DAGLB: variants seen among roughly 807,000 people sequenced by gnomAD.
DAGLB encodes diacylglycerol lipase beta.
DAGLB carries 66 observed loss-of-function variants against 72.1 expected under a neutral mutation model. The ratio of observed to expected loss-of-function variants is 0.92; its 90% CI spans 0.75 to 1.12. DAGLB has a LOEUF of 1.12. Ranked by LOEUF, DAGLB falls within the 50% of genes most tolerant of loss-of-function variation. The pLI, the probability that DAGLB is intolerant of heterozygous loss-of-function variation, is 0.00. For synonymous variants in DAGLB, 414 were observed against 359.5 expected (o/e 1.15, Z -1.71); for missense variants, 1,065 against 884.9 (o/e 1.20, Z -2.58).
In DAGLB at chr7:6,432,878, C is replaced by T. The variant is rs1784533822; in HGVS notation, c.760G>A (p.Glu254Lys). The change falls in exon 5 of 15, where the codon GAG becomes AAG. Residue 254 changes from glutamate (E) to lysine (K), a missense_variant. Coordinates refer to ENST00000297056, the MANE Select transcript of DAGLB (RefSeq NM_139179.4). ...QQQDNIRNNQ[E>K]PAQVVCHAPG... Reference sequence around the variant, plus strand: ...GCATGGCAGACCACCTGGGCAGGCTCTTGGTTGTTCCTGATATTGTCCTGT... The same window carrying T: ...GCATGGCAGACCACCTGGGCAGGCTTTTGGTTGTTCCTGATATTGTCCTGT... The T allele has an allele frequency of 3.7e-6, 6 of 1,613,942 alleles. No individual in the cohort carries two copies. The highest frequency in any genetic ancestry group is 5.1e-6 in the Non-Finnish European group (6 of 1,180,036).
At position 6,413,029 on chromosome 7, in the gene DAGLB, G is replaced by A. The variant is rs771820883; in HGVS notation, c.1433C>T (p.Ala478Val). 3 of 1,612,626 alleles carry A rather than the reference G, an allele frequency of 1.9e-6. No individual in the cohort carries two copies. Among genetic ancestry groups the A allele is most frequent in the South Asian group, 2.2e-5 (2 of 91,046 alleles). Residue 478 changes from alanine (A) to valine (V), a missense_variant, in exon 12 of 15, where the codon GCT becomes GTT. Physicochemically the swap from Ala to Val is moderately conservative, Grantham distance 64. Coordinates refer to ENST00000297056, the MANE Select transcript of DAGLB (RefSeq NM_139179.4). ...FSPPRGLWSKALQEYSQSFIV... is the reference protein window; with the variant it reads ...FSPPRGLWSKVLQEYSQSFIV... The stretch of plus-strand genomic sequence containing the variant: ...GAAGCTCTGAGAATATTCCTGCAGA[G>A]CTTTGCTGAAATTCCAAACAGAGAG...
chr7:6,447,921 C>T lies in DAGLB; in HGVS notation c.-79G>A. On this transcript the variant is annotated 5_prime_UTR_variant, in exon 1 of 15. Coordinates refer to ENST00000297056, the MANE Select transcript of DAGLB (RefSeq NM_139179.4). ...GAACAAACCAGCACCCTCCGGACGC[C>T]GCCACCAAATTATCGGCGCTCAAGC... 1 of 1,476,102 alleles carries T rather than the reference C, an allele frequency of 6.8e-7. No homozygotes were observed. The highest frequency in any genetic ancestry group is 9.0e-7 in the Non-Finnish European group (1 of 1,115,648). The allele number at this position is 1,476,102 out of a possible 1,614,324, so 91.4% of individuals were successfully genotyped here.
chr7:6,412,862 T>C lies in DAGLB; in HGVS notation c.1518A>G (p.Glu506=). Residue 506 remains glutamate, a synonymous_variant, in exon 13 of 15, where the codon GAA becomes GAG. Coordinates refer to ENST00000297056, the MANE Select transcript of DAGLB (RefSeq NM_139179.4). ...VIPRLSVTNL[E]DLKRRILRVV... is the part of the protein sequence containing the mutation. ...CTCGCAAGATTCTTCTCTTCAGATC[T>C]TCCAAGTTGGTCACACTGAGCCTGT... The C allele has an allele frequency of 6.2e-7, 1 of 1,607,194 alleles. No homozygotes were observed. Among genetic ancestry groups the C allele is most frequent in the Non-Finnish European group, 8.5e-7 (1 of 1,176,272 alleles).
In DAGLB at chr7:6,436,629, G is replaced by C. The variant is rs1784667695; in HGVS notation, c.248-96C>G. 6 of 1,508,232 alleles carry C rather than the reference G, an allele frequency of 4.0e-6. No homozygotes were observed. The South Asian group carries it at 7.0e-5, about 18-fold the overall frequency. 93.4% of individuals were successfully genotyped at this position (1,508,232 alleles called of 1,614,324 possible). A position where few individuals can be genotyped will look rare whatever the true frequency, so the allele number is the denominator to read the frequency against. Reference sequence around the variant, plus strand: ...TACAGCTTTTGCAGAGCATACATTTGTACTGTGCACACCCGCCTCCTGACT... The same window carrying C: ...TACAGCTTTTGCAGAGCATACATTTCTACTGTGCACACCCGCCTCCTGACT... On this transcript the variant is annotated intron_variant, in intron 2 of 14. Transcript: ENST00000297056.
intron 3 of DAGLB, 149 bp from the exon 4 acceptor site, chr7:6,435,169 T>G (rs949772210): frequency 6.7e-6 from 8 of 1,188,474 alleles, no homozygotes; most frequent in Non-Finnish European, 9.3e-6. Context: ...GGAACCTGCC[T>G]GAGGCAAGCA....
chr7:6,441,423 T>G (rs1784829566), intron 2 of DAGLB, among the ~76,000 whole-genome samples: 1 of 141,450 alleles, frequency 7.1e-6, no homozygotes, highest in Non-Finnish European at 1.5e-5. Context: ...ATTTTTTTCT[T>G]TTTTTTTTTT....
intron 2 of DAGLB, among the ~76,000 whole-genome samples, chr7:6,440,102 T>G (rs916162505): frequency 6.1e-5 from 9 of 147,696 alleles, no homozygotes; most frequent in African/African-American, 2.3e-4. Flanking sequence ...ATCAAAGTTT[T>G]CCTCAAATGC....
At chr7:6,435,929 G>C (rs1391898284) in intron 3 of DAGLB, among the ~76,000 whole-genome samples, 1 of 152,122 alleles carries the variant, frequency 6.6e-6, no homozygotes, top group Non-Finnish European at 1.5e-5. Context: ...TAGAAAACAC[G>C]AAAACCTTAT....
chr7:6,440,591 G>C (rs1027731004), intron 2 of DAGLB, among the ~76,000 whole-genome samples: 1 of 151,758 alleles, frequency 6.6e-6, no homozygotes, highest in Non-Finnish European at 1.5e-5. Flanking sequence ...CGAAACAAAA[G>C]GGACAACAGA....
intron 3 of DAGLB, among the ~76,000 whole-genome samples, chr7:6,435,880 TAAGGGGGCGGGACTGG>T (rs986413831): frequency 5.9e-5 from 9 of 152,126 alleles, no homozygotes; most frequent in Non-Finnish European, 7.4e-5. Flanking sequence ...CAGAGGGTGT[TAAGGGGGCGGGACTGG>T]ATCATCTCTA....
chr7:6,410,698 T>A (rs1474064935), intron 13 of DAGLB, among the ~76,000 whole-genome samples: 1 of 152,150 alleles, frequency 6.6e-6, no homozygotes, highest in African/African-American at 2.4e-5. Context: ...CCGGCAATTC[T>A]GGAAATCAGC....
In DAGLB at chr7:6,410,270, C is replaced by G. The variant is rs376656997; in HGVS notation, c.1680G>C (p.Leu560=). 7 of 1,613,712 alleles carry G rather than the reference C, an allele frequency of 4.3e-6. No individual in the cohort carries two copies. Among genetic ancestry groups the G allele is most frequent in the Middle Eastern group, 1.6e-4 (1 of 6,062 alleles). ...AGCGCGTCAGTAGGCTCTGCTCCCCCAGAAGAGGCTGTGTCAGGACTTCCT... is the reference window on the plus strand; with the variant it reads ...AGCGCGTCAGTAGGCTCTGCTCCCCGAGAAGAGGCTGTGTCAGGACTTCCT... ...GDQEVLTQPL[L]GEQSLLTRWS... Residue 560 remains leucine, a synonymous_variant, in exon 14 of 15, where the codon CTG becomes CTC. Coordinates refer to ENST00000297056, the MANE Select transcript of DAGLB (RefSeq NM_139179.4).
chr7:6,438,637 C>G (rs550724208), intron 2 of DAGLB, among the ~76,000 whole-genome samples: 8 of 152,276 alleles, frequency 5.3e-5, no homozygotes, highest in African/African-American at 1.4e-4. Context: ...TCAGCAGCAC[C>G]TGGACTTGAA....
chr7:6,411,392 C>T (rs1783723523), intron 13 of DAGLB, among the ~76,000 whole-genome samples: 1 of 152,142 alleles, frequency 6.6e-6, no homozygotes, highest in African/African-American at 2.4e-5. Flanking sequence ...GAGGTCAAGG[C>T]AAGCAGATTG....
intron 1 of DAGLB, 53 bp downstream of exon 1, chr7:6,447,695 C>G: frequency 6.3e-7 from 1 of 1,576,732 alleles, no homozygotes; most frequent in Non-Finnish European, 8.6e-7. Flanking sequence ...GGACAGCTCG[C>G]CCCCCGCTCC....
rs771915125 is a variant in DAGLB at position 6,410,038 on chromosome 7, G to C, written c.1821-3C>G. ...GAGCAGCAGAGCAGCAGCCAAACCT[G>C]AAGCAGAAAAGGAGAGACAGCTCCC... On this transcript the variant is annotated splice_polypyrimidine_tract_variant and splice_region_variant and intron_variant, in intron 14 of 14. Transcript: ENST00000297056. 2 of 1,611,870 alleles carry C rather than the reference G, an allele frequency of 1.2e-6. No individual in the cohort carries two copies. The highest frequency in any genetic ancestry group is 4.5e-5 in the East Asian group (2 of 44,862).
At chr7:6,443,002 T>A (rs1270996117) in intron 2 of DAGLB, among the ~76,000 whole-genome samples, 3 of 136,204 alleles carry the variant, frequency 2.2e-5, no homozygotes, top group African/African-American at 8.3e-5. Flanking sequence ...TGAAACCCCG[T>A]CTCTTCTAAA....
intron 11 of DAGLB, among the ~76,000 whole-genome samples, chr7:6,415,823 C>T (rs1350923154): frequency 2.7e-5 from 4 of 147,284 alleles, no homozygotes; most frequent in East Asian, 2.0e-4. Context: ...CCAGCCTGGG[C>T]GACAGAGCAA....
chr7:6,414,106 G>C (rs1229771507), intron 11 of DAGLB, among the ~76,000 whole-genome samples: 2 of 152,044 alleles, frequency 1.3e-5, no homozygotes, highest in Non-Finnish European at 2.9e-5. Flanking sequence ...CATCTCCCAG[G>C]TTCACGCCAT....
Sources: gnomAD v4.1 joint callset for allele counts (sites outside exome capture counted in the v4.1 genomes callset) on GRCh38, gnomAD v4.1.1 for gene constraint, MANE v1.5 for transcripts, NCBI Gene and HGNC (gene_info 2026-07-23, HGNC 2026-07-21) for gene names.